The following MBTPS1 variants were observed in gnomAD, a reference collection of about 807,000 sequenced individuals.
The protein encoded by MBTPS1 is membrane-bound transcription factor site-1 protease.
In MBTPS1, 94 loss-of-function variants were observed where a neutral mutation model predicts 127.8. That is an observed-to-expected ratio of 0.74 (90% CI 0.62 to 0.87). The LOEUF is 0.87. Ranked by LOEUF, MBTPS1 falls within the 40% of genes least tolerant of loss-of-function variation. The pLI is 0.00. For missense variants in MBTPS1, 1,636 were observed against 1,353.2 expected (o/e 1.21, Z -3.28); for synonymous variants, 632 against 509.4 (o/e 1.24, Z -3.24).
At chr16:84,092,310 T>C (rs1289139723) in intron 6 of MBTPS1, among the ~76,000 whole-genome samples, 1 of 152,266 alleles carries the variant, frequency 6.6e-6, no homozygotes, top group East Asian at 1.9e-4. Flanking sequence ...ATTAGTCTTC[T>C]GATGTTCAAG....
intron 12 of MBTPS1, among the ~76,000 whole-genome samples, chr16:84,073,348 G>A (rs1175331952): frequency 1.3e-5 from 2 of 152,056 alleles, no homozygotes; most frequent in African/African-American, 4.8e-5. Context: ...TTGCCAGGAT[G>A]GTCTCGATCT....
intron 1 of MBTPS1, among the ~76,000 whole-genome samples, chr16:84,106,212 T>G (rs1046985218): frequency 2.0e-5 from 3 of 152,066 alleles, no homozygotes; most frequent in African/African-American, 7.2e-5. Flanking sequence ...GAAGAATCAC[T>G]TGAACCCAGG....
Position 84,095,815 on chromosome 16 carries a change from A to C in MBTPS1, c.422-10T>G. ...GGTACTGTGGGGTCAGCTACAGGCA[A>C]GGGAGAGAAAGATCAGAACAGAAGA... On this transcript the variant is annotated splice_polypyrimidine_tract_variant and intron_variant, in intron 3 of 22. Transcript: ENST00000343411. 6.2e-7 allele frequency: 1 copy of C among 1,610,948 alleles called. No homozygotes were observed. Among genetic ancestry groups the C allele is most frequent in the South Asian group, 1.1e-5 (1 of 91,042 alleles).
In MBTPS1 at chr16:84,056,104, T is replaced by G; in HGVS notation, c.2863A>C (p.Ile955Leu). Residue 955 changes from isoleucine (I) to leucine (L), a missense_variant, in exon 22 of 23, where the codon ATT (isoleucine) becomes CTT (leucine). Coordinates refer to ENST00000343411, the MANE Select transcript of MBTPS1 (RefSeq NM_003791.4). ...GGTAACACCACCTTGTCCAGGTCAATGGAGAGTAGCTTCTGATGTTTCCAA... is the reference window on the plus strand; with the variant it reads ...GGTAACACCACCTTGTCCAGGTCAAGGGAGAGTAGCTTCTGATGTTTCCAA... The part of the protein sequence containing the change: ...NLWKHQKLLS[I>L]DLDKVVLPNF... 6.2e-7 allele frequency: 1 copy of G among 1,614,042 alleles called. No individual in the cohort carries two copies. Among genetic ancestry groups the G allele is most frequent in the Non-Finnish European group, 8.5e-7 (1 of 1,179,908 alleles).
chr16:84,092,647 A>G (rs1387769282), intron 6 of MBTPS1, among the ~76,000 whole-genome samples: 1 of 152,186 alleles, frequency 6.6e-6, no homozygotes, highest in Non-Finnish European at 1.5e-5. Flanking sequence ...TCAAAAATTA[A>G]CCTTAAAAAA....
intron 22 of MBTPS1, among the ~76,000 whole-genome samples, chr16:84,055,002 C>G (rs1439151394): frequency 6.6e-6 from 1 of 152,084 alleles, no homozygotes; most frequent in Non-Finnish European, 1.5e-5. Flanking sequence ...AAGATGGGCA[C>G]GTCTCTATCC....
rs1314913402 is a variant in MBTPS1 at position 84,095,639 on chromosome 16, T to G, written c.588A>C (p.Thr196=). ...LRAIPRQVAQ[T]LQADVLWQMG... ...TCTGCCAGAGCACATCTGCCTGCAG[T>G]GTCTGGGCAACCTGGCGCGGGATGG... Residue 196 remains threonine (T), a synonymous_variant, in exon 4 of 23, where the codon ACA becomes ACC. Transcript: ENST00000343411. The G allele has an allele frequency of 6.2e-7, 1 of 1,614,214 alleles. No homozygotes were observed. The highest frequency in any genetic ancestry group is 1.1e-5 in the South Asian group (1 of 91,086).
At chr16:84,107,762 T>C (rs1258429272) in intron 1 of MBTPS1, among the ~76,000 whole-genome samples, 1 of 150,638 alleles carries the variant, frequency 6.6e-6, no homozygotes, top group Admixed American at 6.6e-5. Context: ...TGGAGGACAG[T>C]GGCACAATCA....
Position 84,101,757 on chromosome 16 carries a change from A to G in MBTPS1, c.27T>C (p.Leu9=). 6.2e-7 allele frequency: 1 copy of G among 1,613,964 alleles called. No individual in the cohort carries two copies. Among genetic ancestry groups the G allele is most frequent in the Non-Finnish European group, 8.5e-7 (1 of 1,179,918 alleles). ...TCCCACAGAGCAAAACCACGAGCAG[A>G]AGCAGCCAGATGTTGACAAGCTTCA... MKLVNIWL[L]LLVVLLCGKK... is the part of the protein sequence containing the mutation. The change falls in exon 2 of 23, where the codon CTT becomes CTC. Residue 9 remains leucine (L), a synonymous_variant. Coordinates refer to ENST00000343411, the MANE Select transcript of MBTPS1 (RefSeq NM_003791.4).
chr16:84,087,401 T>G lies in MBTPS1; in HGVS notation c.1091A>C (p.Glu364Ala). ...TGAAGAAAAGCGGGCGATGTTATCT[T>G]CAAAGTCAATGCCGCCTACTCCAAT... ...DVIGVGGIDF[E>A]DNIARFSSRG... Residue 364 changes from glutamate to alanine, a missense_variant, in exon 9 of 23, where the codon GAA becomes GCA. Transcript: ENST00000343411. The G allele has an allele frequency of 6.2e-7, 1 of 1,612,616 alleles. No individual in the cohort carries two copies. Among genetic ancestry groups the G allele is most frequent in the South Asian group, 1.1e-5 (1 of 91,064 alleles).
chr16:84,058,855 A>G (rs1567470255), intron 21 of MBTPS1, among the ~76,000 whole-genome samples: 2 of 152,174 alleles, frequency 1.3e-5, no homozygotes, highest in Non-Finnish European at 2.9e-5. Flanking sequence ...CACAGTCAGC[A>G]CAGGACGTAA....
chr16:84,110,635 A>G (rs372380820), intron 1 of MBTPS1: 1 of 152,206 alleles, frequency 6.6e-6, no homozygotes, highest in Non-Finnish European at 1.5e-5. Context: ...AATATTAACT[A>G]ATTTAATCCT....
At chr16:84,063,625 C>G (rs887751313) in intron 18 of MBTPS1, among the ~76,000 whole-genome samples, 180 bp from the exon 19 acceptor site, 1 of 152,190 alleles carries the variant, frequency 6.6e-6, no homozygotes, top group Non-Finnish European at 1.5e-5. Context: ...ATAGAAATGT[C>G]TTAAGTGCCA....
Position 84,100,941 on chromosome 16 carries a change from G to T in MBTPS1, c.163+680C>A, listed in dbSNP as rs1383597239. Among the ~76,000 whole-genome samples the T allele has an allele frequency of 3.4e-5, 5 of 147,780 alleles. No homozygotes were observed. The East Asian group carries it at 8.0e-4, about 24-fold the overall frequency. ...AGGCCAAGGAGGGTGATCACTTGAG[G>T]TCAGGAGTTCAAGACCAGCCTGGCT... On this transcript the variant is annotated intron_variant, in intron 2 of 22. Coordinates refer to ENST00000343411, the MANE Select transcript of MBTPS1 (RefSeq NM_003791.4).
chr16:84,079,906 T>G (rs2085915047), intron 11 of MBTPS1, among the ~76,000 whole-genome samples: 2 of 152,148 alleles, frequency 1.3e-5, no homozygotes, highest in South Asian at 2.1e-4. Context: ...CAGTAACCAC[T>G]GTGAGCACAG....
At position 84,060,732 on chromosome 16, in the gene MBTPS1, C is replaced by T. The variant is rs756001167; in HGVS notation, c.2654G>A (p.Arg885His). ...TPPSLSHSGN[R>H]QRPPSGAGSV... ...GCCTGCTCCACTGGGAGGGCGCTGG[C>T]GGTTCCCAGAGTGACTGAGGCTAGG... is the stretch of plus-strand genomic sequence containing the variant. The change falls in exon 20 of 23, where the codon CGC becomes CAC. Residue 885 changes from arginine to histidine, a missense_variant. By Grantham distance (29) the Arg-to-His change is conservative. Coordinates refer to ENST00000343411, the MANE Select transcript of MBTPS1 (RefSeq NM_003791.4). 9.9e-6 allele frequency: 16 copies of T among 1,613,154 alleles called. No individual in the cohort carries two copies. The highest frequency in any genetic ancestry group is 1.6e-4 in the Middle Eastern group (1 of 6,080).
chr16:84,073,592 G>A (rs752442018), intron 12 of MBTPS1, among the ~76,000 whole-genome samples: 2 of 152,016 alleles, frequency 1.3e-5, no homozygotes, highest in African/African-American at 2.4e-5. Context: ...GGCTGGAAGC[G>A]AGTTTTCTAT....
At chr16:84,111,204 GA>G (rs35206813) in intron 1 of MBTPS1, among the ~76,000 whole-genome samples, 30,577 of 152,042 alleles carry the variant, frequency 0.2, 4,106 homozygotes, top group African/African-American at 0.38. Context: ...CTATAAGAGA[GA>G]GGCAGGAGAT....
At position 84,090,912 on chromosome 16, in the gene MBTPS1, T is replaced by C. The variant is rs763317067; in HGVS notation, c.994A>G (p.Met332Val). 1 of 1,612,854 alleles carries C rather than the reference T, an allele frequency of 6.2e-7. No individual in the cohort carries two copies. The highest frequency in any genetic ancestry group is 1.7e-5 in the Admixed American group (1 of 59,912). ...VWELTANNVI[M>V]VSAIGNDGPL... ...CCGTCATTGCCAATAGCAGAAACCA[T>C]GATTACATTGTTAGCTGTTAATTCC... Residue 332 changes from methionine to valine, a missense_variant, in exon 8 of 23, where the codon ATG (methionine) becomes GTG (valine). Coordinates refer to ENST00000343411, the MANE Select transcript of MBTPS1 (RefSeq NM_003791.4).
Sources: allele counts gnomAD v4.1 joint callset (sites outside exome capture counted in the v4.1 genomes callset), GRCh38; gene constraint gnomAD v4.1.1; transcripts MANE v1.5; gene names NCBI Gene and HGNC (gene_info 2026-07-23, HGNC 2026-07-21).